ANKS1B: variants seen among roughly 807,000 people sequenced by gnomAD.
ANKS1B encodes ankyrin repeat and sterile alpha motif domain-containing protein 1B.
A neutral mutation model predicts 148.3 loss-of-function variants in ANKS1B; 36 were observed. The ratio of observed to expected loss-of-function variants is 0.24; its 90% CI spans 0.19 to 0.32. The LOEUF is 0.32. ANKS1B is among the 10% of genes least tolerant of loss of function. The pLI is 1.00. For missense variants in ANKS1B, 1,157 were observed against 1,542.6 expected (o/e 0.75, Z 4.19); for synonymous variants, 542 against 560.8 (o/e 0.97, Z 0.47).
intron 17 of ANKS1B, among the ~76,000 whole-genome samples, chr12:98,943,525 T>A (rs2153031916): frequency 6.6e-6 from 1 of 152,282 alleles, no homozygotes; most frequent in East Asian, 1.9e-4. Context: ...CCTTGCATGT[T>A]TCATCTGTAG....
intron 1 of ANKS1B, among the ~76,000 whole-genome samples, chr12:99,956,614 G>C (rs2095327963): frequency 6.6e-6 from 1 of 152,150 alleles, no homozygotes; most frequent in Admixed American, 6.5e-5. Flanking sequence ...CCAGTATGTA[G>C]ACAGACCAGG....
chr12:99,288,588 T>C (rs1364344378), intron 12 of ANKS1B, among the ~76,000 whole-genome samples: 1 of 151,986 alleles, frequency 6.6e-6, no homozygotes, highest in Non-Finnish European at 1.5e-5. Flanking sequence ...GATGAACCAA[T>C]CAAAAATAAT....
rs1422988709 is a variant in ANKS1B, at chr12:98,829,530, T to C, written c.2887-177A>G. ...ATGGCATGATCTAGTCAATACGTTT[T>C]TCCCCTAAGTATTTCAGGTCAAAGG... On this transcript the variant is annotated intron_variant, in intron 18 of 26. Coordinates refer to ENST00000683438, the MANE Select transcript of ANKS1B (RefSeq NM_001352186.2). This position sits in a 1 kb window ranked among gnomAD's most constrained non-coding sequence, Gnocchi z 5.2. 6.6e-6 allele frequency among the ~76,000 whole-genome samples: 1 copy of C among 152,230 alleles called. No individual in the cohort carries two copies. Among genetic ancestry groups the C allele is most frequent in the Non-Finnish European group, 1.5e-5 (1 of 68,042 alleles).
At chr12:98,926,067 G>A (rs544481173) in intron 17 of ANKS1B, among the ~76,000 whole-genome samples, 15 of 152,104 alleles carry the variant, frequency 9.9e-5, no homozygotes, top group Non-Finnish European at 1.9e-4. Flanking sequence ...GGCTGTGCAC[G>A]TTCCCAGAAA....
chr12:99,874,379 T>C (rs989083080), intron 1 of ANKS1B, among the ~76,000 whole-genome samples: 1 of 152,192 alleles, frequency 6.6e-6, no homozygotes, highest in African/African-American at 2.4e-5. Flanking sequence ...TCACCAATTC[T>C]GTATTTGTGA....
intron 9 of ANKS1B, among the ~76,000 whole-genome samples, chr12:99,535,490 T>A (rs2097056472): frequency 6.6e-6 from 1 of 152,242 alleles, no homozygotes; most frequent in Non-Finnish European, 1.5e-5. Flanking sequence ...TCTCAAATTA[T>A]TCCTAGCCCA....
chr12:98,781,514 G>A, intron 23 of ANKS1B: 1 of 481,164 alleles, frequency 2.1e-6, no homozygotes, highest in Non-Finnish European at 4.0e-6. Context: ...ACTAAAGGGT[G>A]AATGAAGAGG....
At chr12:99,383,233 G>A (rs1236498349) in intron 12 of ANKS1B, among the ~76,000 whole-genome samples, 1 of 152,098 alleles carries the variant, frequency 6.6e-6, no homozygotes, top group Non-Finnish European at 1.5e-5. Flanking sequence ...GCTTATATGA[G>A]CCTCTGTGAG....
chr12:99,244,250 G>GA (rs1230743550), intron 14 of ANKS1B, 92 bp downstream of exon 14: 52 of 842,168 alleles, frequency 6.2e-5, no homozygotes, highest in Admixed American at 2.1e-4. Flanking sequence ...TTGTTATAAT[G>GA]AAAAAAATGC....
chr12:99,823,908 G>A (rs1043885540), intron 2 of ANKS1B, among the ~76,000 whole-genome samples: 2 of 152,064 alleles, frequency 1.3e-5, no homozygotes, highest in African/African-American at 2.4e-5. Flanking sequence ...TAGGTGTATG[G>A]CTTTATTTCT....
intron 1 of ANKS1B, among the ~76,000 whole-genome samples, chr12:99,838,502 A>ATCAT (rs1209721338): frequency 6.6e-6 from 1 of 152,020 alleles, no homozygotes. Context: ...ACTGATTTTC[A>ATCAT]TCATTCTTAC....
chr12:99,199,850 C>T (rs991108806), intron 14 of ANKS1B, among the ~76,000 whole-genome samples: 1 of 152,158 alleles, frequency 6.6e-6, no homozygotes, highest in African/African-American at 2.4e-5. Flanking sequence ...GTTATATTTG[C>T]TCCTTTATGT....
At chr12:99,484,394 GCTT>G (rs1350879822) in intron 10 of ANKS1B, among the ~76,000 whole-genome samples, 2 of 151,766 alleles carry the variant, frequency 1.3e-5, no homozygotes. Context: ...ATTTATTGAG[GCTT>G]CTTTTCTGGC....
chr12:98,945,160 T>C (rs150742493), intron 17 of ANKS1B, among the ~76,000 whole-genome samples: 13 of 152,204 alleles, frequency 8.5e-5, no homozygotes, highest in African/African-American at 3.1e-4. Flanking sequence ...TCATGTCCCA[T>C]ATGTCCCCAT....
rs186297197 is a variant in ANKS1B, at chr12:98,780,090, C to T, written c.3441+1027G>A. On this transcript the variant is annotated intron_variant, in intron 24 of 26. Transcript: ENST00000683438. The stretch of plus-strand genomic sequence containing the variant: ...ATAGAGACACCAAAGAGTCACTGCC[C>T]GTGAGACTTTTCCCTGGAACCTAAA... Among the ~76,000 whole-genome samples the T allele has an allele frequency of 2.0e-3, 304 of 152,296 alleles. 4 individuals are homozygous for T. Among genetic ancestry groups the T allele is most frequent in the South Asian group, 8.5e-3 (41 of 4,824 alleles).
chr12:99,337,276 T>C (rs927151969), intron 12 of ANKS1B, among the ~76,000 whole-genome samples: 2 of 152,052 alleles, frequency 1.3e-5, no homozygotes, highest in African/African-American at 4.8e-5. Flanking sequence ...AATTCTGCTG[T>C]TGAGAGAATC....
intron 4 of ANKS1B, among the ~76,000 whole-genome samples, chr12:99,796,757 G>A (rs890818597): frequency 1.1e-4 from 16 of 151,434 alleles, no homozygotes; most frequent in Non-Finnish European, 8.8e-5. Context: ...TATTAAAAAA[G>A]CAATTAGAAA....
intron 9 of ANKS1B, among the ~76,000 whole-genome samples, chr12:99,631,442 T>G (rs2098160259): frequency 6.6e-6 from 1 of 151,882 alleles, no homozygotes; most frequent in Admixed American, 6.6e-5. Flanking sequence ...TAGATTCTGG[T>G]GAGGGTTTAG....
intron 12 of ANKS1B, among the ~76,000 whole-genome samples, chr12:99,333,803 G>A (rs567114672): frequency 6.8e-6 from 1 of 146,886 alleles, no homozygotes; most frequent in Admixed American, 6.8e-5. Flanking sequence ...TAGAAGCACT[G>A]ATTCCACTAG....
Sources: gnomAD v4.1 joint callset for allele counts (sites outside exome capture counted in the v4.1 genomes callset) on GRCh38, gnomAD v4.1.1 for gene constraint, Gnocchi (gnomAD v3.1) non-coding constraint, MANE v1.5 for transcripts, NCBI Gene and HGNC (gene_info 2026-07-23, HGNC 2026-07-21) for gene names.